PDE4D: variants seen among roughly 807,000 people sequenced by gnomAD.
PDE4D encodes 3',5'-cyclic-AMP phosphodiesterase 4D.
PDE4D carries 24 observed loss-of-function variants against 87.4 expected under a neutral mutation model. The observed-to-expected ratio is 0.27, with a 90% CI of 0.20 to 0.39. The LOEUF is 0.39. PDE4D is among the 10% of genes least tolerant of loss of function. PDE4D has a pLI of 1.00. For missense variants in PDE4D, 714 were observed against 1,041.0 expected (o/e 0.69, Z 4.32); for synonymous variants, 384 against 383.2 (o/e 1.00, Z -0.02).
chr5:59,230,682 T>C (rs1160661973), intron 1 of PDE4D, among the ~76,000 whole-genome samples: 1 of 152,204 alleles, frequency 6.6e-6, no homozygotes, highest in Non-Finnish European at 1.5e-5. Context: ...AAAACTCATA[T>C]ACCATGTTTT....
At chr5:59,208,340 C>CTTT (rs1749290391) in intron 2 of PDE4D, among the ~76,000 whole-genome samples, 1 of 152,206 alleles carries the variant, frequency 6.6e-6, no homozygotes, top group African/African-American at 2.4e-5. Flanking sequence ...GTTTTCACTT[C>CTTT]TTTTTCCCTC....
chr5:58,992,246 A>G (rs1748083634), intron 7 of PDE4D, among the ~76,000 whole-genome samples: 1 of 152,132 alleles, frequency 6.6e-6, no homozygotes, highest in Non-Finnish European at 1.5e-5. Flanking sequence ...TTCCATGGTT[A>G]CCTCTTTGAT....
chr5:59,027,974 T>G (rs1038240247), intron 6 of PDE4D, among the ~76,000 whole-genome samples: 1 of 152,018 alleles, frequency 6.6e-6, no homozygotes, highest in Non-Finnish European at 1.5e-5. Flanking sequence ...GAGAGTTACC[T>G]TCTTAATATA....
Position 59,413,933 on chromosome 5 carries a change from TACACAC to T in PDE4D, c.456-197971_456-197966del, listed in dbSNP as rs796188614. On this transcript the variant is annotated intron_variant, in intron 1 of 14. Transcript: ENST00000340635. ...ATGTGCACACACACAAATATACACA[TACACAC>T]ACACATATATATATCTGTGCATATC... Among the ~76,000 whole-genome samples the T allele has an allele frequency of 6.0e-4, 92 of 152,242 alleles. 1 individual carries two copies. The East Asian group carries it at 0.015, about 25-fold the overall frequency.
intron 1 of PDE4D, among the ~76,000 whole-genome samples, chr5:60,461,983 T>A (rs1746981567): frequency 6.6e-6 from 1 of 152,102 alleles, no homozygotes; most frequent in Non-Finnish European, 1.5e-5. Context: ...CTCAAGGATG[T>A]GTTAGAAGCA....
chr5:59,239,614 T>C (rs1757234154), intron 1 of PDE4D, among the ~76,000 whole-genome samples: 1 of 152,306 alleles, frequency 6.6e-6, no homozygotes, highest in Admixed American at 6.5e-5. Context: ...GTAACTTGCC[T>C]GAAATTTGTA....
At chr5:59,665,361 GATGGAGTAATTA>G (rs1199950844) in intron 1 of PDE4D, among the ~76,000 whole-genome samples, 1 of 152,236 alleles carries the variant, frequency 6.6e-6, no homozygotes, top group Non-Finnish European at 1.5e-5. Flanking sequence ...ACTGTGAGTT[GATGGAGTAATTA>G]TCTTATATTC....
At chr5:59,199,843 T>C (rs1361309171) in intron 2 of PDE4D, among the ~76,000 whole-genome samples, 2 of 151,980 alleles carry the variant, frequency 1.3e-5, no homozygotes, top group Non-Finnish European at 2.9e-5. Flanking sequence ...TATGTGTATA[T>C]GTATATATAC....
rs141574810 is a variant in PDE4D, at chr5:59,352,501, A to C, written c.456-136533T>G. Among the ~76,000 whole-genome samples, 9 of 152,256 alleles carry C rather than the reference A, an allele frequency of 5.9e-5. No homozygotes were observed. The East Asian group carries it at 1.5e-3, about 26-fold the overall frequency. On this transcript the variant is annotated intron_variant, in intron 1 of 14. Transcript: ENST00000340635. ...ATGTGGGTTTGAGACAGCTTTTTCT[A>C]ATGGGAATTGTGCAGTTTGGTTGGG... is the stretch of plus-strand genomic sequence containing the variant.
intron 1 of PDE4D, among the ~76,000 whole-genome samples, chr5:59,257,669 G>A (rs1006035144): frequency 6.6e-6 from 1 of 151,966 alleles, no homozygotes; most frequent in African/African-American, 2.4e-5. Flanking sequence ...AATTCAGCGA[G>A]GGTTGCCTGG....
rs187810789 is a variant in PDE4D, at chr5:60,182,501, G to A, written c.42+3056C>T. Among the ~76,000 whole-genome samples the A allele has an allele frequency of 1.3e-3, 202 of 152,188 alleles. 2 individuals are homozygous for A. The highest frequency in any genetic ancestry group is 6.4e-3 in the South Asian group (31 of 4,826). On this transcript the variant is annotated intron_variant, in intron 2 of 16. Transcript: ENST00000502484. ...GACAAAATTAGCCAGGTGTGATGGC[G>A]CATGCCTCTAATCCCAGCTACTCAG...
chr5:58,991,540 A>G (rs942543845), intron 8 of PDE4D, among the ~76,000 whole-genome samples: 3 of 152,142 alleles, frequency 2.0e-5, no homozygotes, highest in Non-Finnish European at 2.9e-5. Context: ...TCTATTCACA[A>G]AACCTTAACT....
chr5:60,234,438 A>T (rs1011890051), intron 1 of PDE4D, among the ~76,000 whole-genome samples: 1 of 151,726 alleles, frequency 6.6e-6, no homozygotes, highest in Non-Finnish European at 1.5e-5. Flanking sequence ...GATATATGGT[A>T]TTTCTCTTGG....
chr5:59,981,922 T>C (rs1285235257), intron 3 of PDE4D, among the ~76,000 whole-genome samples: 1 of 152,188 alleles, frequency 6.6e-6, no homozygotes, highest in Non-Finnish European at 1.5e-5. Context: ...TAATGTTCTC[T>C]CTAACGTACT....
chr5:60,385,111 C>T (rs1327735068), intron 1 of PDE4D, among the ~76,000 whole-genome samples: 1 of 152,178 alleles, frequency 6.6e-6, no homozygotes, highest in African/African-American at 2.4e-5. Context: ...GCCACTGTTC[C>T]TCCACAAGCC....
chr5:59,868,406 CACAT>C (rs1747353973), intron 1 of PDE4D, among the ~76,000 whole-genome samples: 1 of 152,034 alleles, frequency 6.6e-6, no homozygotes, highest in African/African-American at 2.4e-5. Flanking sequence ...TAATATGCAT[CACAT>C]TGTATAGCTT....
At chr5:59,574,543 G>T (rs115095193) in intron 1 of PDE4D, among the ~76,000 whole-genome samples, 4,528 of 152,160 alleles carry the variant, frequency 0.03, 99 homozygotes, top group Non-Finnish European at 0.045. Context: ...CATCAGAGTT[G>T]AATTTGAACT....
At chr5:60,365,878 T>C (rs1012711026) in intron 1 of PDE4D, among the ~76,000 whole-genome samples, 5 of 151,958 alleles carry the variant, frequency 3.3e-5, no homozygotes, top group Non-Finnish European at 7.4e-5. Flanking sequence ...ACCCCATCTC[T>C]ACTAAAAATA....
intron 1 of PDE4D, among the ~76,000 whole-genome samples, chr5:59,860,835 T>A (rs2152727482): frequency 6.6e-6 from 1 of 152,050 alleles, no homozygotes; most frequent in South Asian, 2.1e-4. Context: ...AACCTTGTTG[T>A]TCGAACTTTT....
Sources: allele counts gnomAD v4.1 joint callset (sites outside exome capture counted in the v4.1 genomes callset), GRCh38; gene constraint gnomAD v4.1.1; transcripts MANE v1.5; gene names NCBI Gene and HGNC (gene_info 2026-07-23, HGNC 2026-07-21).